CIMIP2A: variants seen among roughly 807,000 people sequenced by gnomAD.
CIMIP2A encodes the protein ciliary microtubule inner protein 2A, also known as family with sequence similarity 166 member A.
At chr9:137,250,167 A>C in the CIMIP2A span, 2 of 152,276 alleles carry the variant, frequency 1.3e-5, no homozygotes, top group African/African-American at 4.8e-5. Flanking sequence ...GTGGGCGCAG[A>C]GCCGGACACT....
the CIMIP2A span, chr9:137,244,170 C>A: frequency 5.6e-6 from 9 of 1,613,582 alleles, no homozygotes; most frequent in African/African-American, 5.3e-5. Flanking sequence ...ACTCTACTCA[C>A]CGGGGATGAA....
At chr9:137,247,393 C>T in the CIMIP2A span, among the ~76,000 whole-genome samples, 2 of 152,258 alleles carry the variant, frequency 1.3e-5, no homozygotes, top group Admixed American at 6.5e-5. Flanking sequence ...AGTTTCTGCT[C>T]GACAGACGTG....
At chr9:137,244,944 A>G in the CIMIP2A span, 1 of 1,601,768 alleles carries the variant, frequency 6.2e-7, no homozygotes, top group Non-Finnish European at 8.5e-7. Context: ...AGCAGCTGGG[A>G]GGCAGAGGAG....
chr9:137,250,280 A>G, the CIMIP2A span: 123,827 of 152,200 alleles, frequency 0.81, 51,116 homozygotes, highest in East Asian at 1. Context: ...GACCTGGAGG[A>G]GCCTATCTGT....
chr9:137,244,117 T>G, the CIMIP2A span: 1 of 1,540,024 alleles, frequency 6.5e-7, no homozygotes, highest in African/African-American at 1.4e-5. Flanking sequence ...GGTAGAGCCG[T>G]CCCTCCCCAC....
chr9:137,247,822 G>T, the CIMIP2A span: 1 of 1,131,626 alleles, frequency 8.8e-7, no homozygotes, highest in Non-Finnish European at 1.3e-6. Flanking sequence ...CCAGCATTGT[G>T]GGCACCTCCT....
chr9:137,250,936 G>A, the CIMIP2A span: 2 of 338,596 alleles, frequency 5.9e-6, no homozygotes, highest in Admixed American at 4.4e-5. Context: ...ATGCCGGTGG[G>A]TCCTGTTCCC....
chr9:137,245,325 C>T, the CIMIP2A span: 1 of 1,591,116 alleles, frequency 6.3e-7, no homozygotes, highest in Non-Finnish European at 8.6e-7. Flanking sequence ...GCCTGGGGGC[C>T]TCGCAAACAG....
the CIMIP2A span, chr9:137,252,068 G>T: frequency 6.2e-7 from 1 of 1,613,024 alleles, no homozygotes; most frequent in South Asian, 1.1e-5. Context: ...ACCAGGTGCC[G>T]AGCCCGTCCG....
chr9:137,252,694 C>G, the CIMIP2A span: 1 of 1,551,114 alleles, frequency 6.4e-7, no homozygotes, highest in South Asian at 1.2e-5. Context: ...AGCTGCTCAG[C>G]CGGCCCGCCT....
the CIMIP2A span, chr9:137,253,203 C>A: frequency 3.1e-6 from 5 of 1,609,010 alleles, no homozygotes; most frequent in Non-Finnish European, 2.5e-6. Context: ...AGGGTGTACG[C>A]AGACCCAAGC....
chr9:137,250,667 C>A, the CIMIP2A span: 4 of 154,526 alleles, frequency 2.6e-5, no homozygotes, highest in South Asian at 2.0e-4. Flanking sequence ...GGCAGCCCGG[C>A]CATCTGTGAC....
chr9:137,244,617 C>T, the CIMIP2A span: 2 of 1,612,092 alleles, frequency 1.2e-6, no homozygotes, highest in East Asian at 2.2e-5. Context: ...GAGCTGGGAG[C>T]AGGCCCTGGA....
chr9:137,252,233 C>A, the CIMIP2A span: 2 of 1,482,898 alleles, frequency 1.3e-6, no homozygotes, highest in Admixed American at 2.0e-5. Context: ...GGCCTGAGGG[C>A]CCCTCCACCC....
chr9:137,246,597 A>G, the CIMIP2A span, among the ~76,000 whole-genome samples: 2 of 152,066 alleles, frequency 1.3e-5, no homozygotes, highest in Non-Finnish European at 2.9e-5. Context: ...CCCTGTCTCT[A>G]TTAAAAATGC....
the CIMIP2A span, chr9:137,252,901 G>A: frequency 8.8e-6 from 14 of 1,598,236 alleles, no homozygotes; most frequent in East Asian, 2.5e-4. Flanking sequence ...GCCGCCTGCA[G>A]AGCCCCCGCT....
chr9:137,244,741 G>A, the CIMIP2A span: 3 of 1,612,400 alleles, frequency 1.9e-6, no homozygotes, highest in East Asian at 2.2e-5. Context: ...CATAGCCTGG[G>A]GGTAGGCAGA....
the CIMIP2A span, chr9:137,253,544 G>C: frequency 7.3e-7 from 1 of 1,367,812 alleles, no homozygotes; most frequent in Non-Finnish European, 9.5e-7. Context: ...TATGGCTGCC[G>C]CTGGGTCATT....
At chr9:137,250,992 T>G in the CIMIP2A span, 1 of 410,888 alleles carries the variant, frequency 2.4e-6, no homozygotes, top group South Asian at 2.1e-5. Context: ...CCTGCTAGAG[T>G]GGACCCCAGA....
Sources: allele counts gnomAD v4.1 joint callset (sites outside exome capture counted in the v4.1 genomes callset), GRCh38; gene constraint gnomAD v4.1.1; transcripts MANE v1.5; gene names NCBI Gene and HGNC (gene_info 2026-07-23, HGNC 2026-07-21).